The following TLK1 variants were observed in gnomAD, a reference collection of about 807,000 sequenced individuals.
TLK1 encodes tousled like kinase 1.
A neutral mutation model predicts 105.3 loss-of-function variants in TLK1; 24 were observed. The observed-to-expected ratio is 0.23, with a 90% CI of 0.17 to 0.32. The LOEUF is 0.32. Among genes scored for constraint, TLK1 ranks in the 10% least tolerant of loss-of-function variants. The pLI, the probability that TLK1 is intolerant of heterozygous loss-of-function variation, is 1.00. For missense variants in TLK1, 558 were observed against 910.5 expected, an observed-to-expected ratio of 0.61 and a Z score of 4.98; for synonymous variants, 321 against 310.4, an observed-to-expected ratio of 1.03 and a Z score of -0.36.
At chr2:171,211,612 C>T (rs903820751) in intron 1 of TLK1, among the ~76,000 whole-genome samples, 2 of 151,886 alleles carry the variant, frequency 1.3e-5, no homozygotes, top group African/African-American at 4.8e-5. Flanking sequence ...TGCAATGGCG[C>T]GATGTTGGTT....
chr2:171,214,187 A>C (rs1693672165), intron 1 of TLK1, among the ~76,000 whole-genome samples: 1 of 152,072 alleles, frequency 6.6e-6, no homozygotes, highest in South Asian at 2.1e-4. Context: ...CCTGGGCAAC[A>C]GAGTGAGATC....
intron 2 of TLK1, among the ~76,000 whole-genome samples, chr2:171,087,635 A>G (rs1405210431): frequency 6.6e-6 from 1 of 152,236 alleles, no homozygotes; most frequent in Admixed American, 6.5e-5. Context: ...CCCAAGCAGG[A>G]TAACTACAAA....
intron 1 of TLK1, among the ~76,000 whole-genome samples, chr2:171,229,695 T>A (rs964329033): frequency 2.0e-5 from 3 of 152,178 alleles, no homozygotes; most frequent in African/African-American, 7.2e-5. Flanking sequence ...GTAGGAGCAT[T>A]CAAGAGAGCC....
At chr2:171,002,313 C>A (rs934906785) in intron 18 of TLK1, among the ~76,000 whole-genome samples, 3 of 152,056 alleles carry the variant, frequency 2.0e-5, no homozygotes, top group Non-Finnish European at 4.4e-5. Flanking sequence ...GGCTGGAGTG[C>A]CATGGCACAA....
At chr2:171,021,278 T>G (rs1685489036) in intron 12 of TLK1, among the ~76,000 whole-genome samples, 1 of 152,086 alleles carries the variant, frequency 6.6e-6, no homozygotes, top group African/African-American at 2.4e-5. Context: ...ACACTTGTCT[T>G]AAAAATATTT....
At chr2:171,024,914 A>C (rs140881320) in intron 12 of TLK1, among the ~76,000 whole-genome samples, 8 of 152,314 alleles carry the variant, frequency 5.3e-5, no homozygotes, top group Admixed American at 3.3e-4. Context: ...CTTGGGAACA[A>C]CTATAACAAT....
At chr2:171,120,162 T>C (rs1690593638) in intron 1 of TLK1, among the ~76,000 whole-genome samples, 1 of 139,666 alleles carries the variant, frequency 7.2e-6, no homozygotes, top group South Asian at 2.2e-4. Context: ...GGCAAGAGAA[T>C]CACCTGAACC....
At chr2:171,072,733 A>ACT (rs1321790049) in intron 3 of TLK1, among the ~76,000 whole-genome samples, 2 of 152,002 alleles carry the variant, frequency 1.3e-5, no homozygotes, top group Non-Finnish European at 2.9e-5. Context: ...ACATCATTAC[A>ACT]CTCCAGCCTG....
intron 14 of TLK1, 49 bp from the exon 15 acceptor site, chr2:171,007,112 C>G: frequency 6.8e-7 from 1 of 1,468,424 alleles, no homozygotes; most frequent in Non-Finnish European, 9.3e-7. Flanking sequence ...AATTGAATAG[C>G]TGAAGAGATG....
At chr2:171,073,433 T>TCC in intron 3 of TLK1, among the ~76,000 whole-genome samples, 1 of 152,120 alleles carries the variant, frequency 6.6e-6, no homozygotes, top group Non-Finnish European at 1.5e-5. Context: ...AGAACTCAAC[T>TCC]AGACAGAATA....
In TLK1 at chr2:171,014,835, G is replaced by A; in HGVS notation, c.1334+16C>T. On this transcript the variant is annotated intron_variant, in intron 13 of 20. Coordinates refer to ENST00000431350, the MANE Select transcript of TLK1 (RefSeq NM_012290.5). ...TTTTAATAATATGAAACTGTGAAAT[G>A]CAAATAATGACTTACTGTGAATTAT... The A allele has an allele frequency of 6.4e-7, 1 of 1,572,242 alleles. No homozygotes were observed. The highest frequency in any genetic ancestry group is 8.7e-7 in the Non-Finnish European group (1 of 1,143,240).
At chr2:171,145,632 A>G (rs553961178) in intron 1 of TLK1, among the ~76,000 whole-genome samples, 18 of 152,106 alleles carry the variant, frequency 1.2e-4, no homozygotes, top group Non-Finnish European at 2.2e-4. Flanking sequence ...ATGAAGAGAC[A>G]GGTATAAACA....
chr2:170,991,828 C>G lies in TLK1; in HGVS notation c.*1952G>C, dbSNP rs1683796944. ...TCATTCATAAAGACGAAAACTCTAA[C>G]AACAAAACTGAAAACTTGCAGGCAG... On this transcript the variant is annotated 3_prime_UTR_variant, in exon 21 of 21. Coordinates refer to ENST00000431350, the MANE Select transcript of TLK1 (RefSeq NM_012290.5). 6.6e-6 allele frequency: 1 copy of G among 152,076 alleles called. No individual in the cohort carries two copies. Among genetic ancestry groups the G allele is most frequent in the Admixed American group, 6.5e-5 (1 of 15,268 alleles). 9.4% of individuals were successfully genotyped at this position (152,076 alleles called of 1,614,324 possible).
chr2:171,153,120 T>C (rs558357475), intron 1 of TLK1, among the ~76,000 whole-genome samples: 342 of 152,280 alleles, frequency 2.2e-3, no homozygotes, highest in Non-Finnish European at 3.2e-3. Context: ...ACTACTAAAA[T>C]ACTAAAAACC....
intron 8 of TLK1, among the ~76,000 whole-genome samples, chr2:171,052,572 C>T (rs1687292451): frequency 6.6e-6 from 1 of 152,144 alleles, no homozygotes; most frequent in South Asian, 2.1e-4. Context: ...GGATGACTCT[C>T]TGATATATTT....
chr2:171,153,552 T>C (rs1422118294), intron 1 of TLK1, among the ~76,000 whole-genome samples: 2 of 152,152 alleles, frequency 1.3e-5, no homozygotes, highest in Non-Finnish European at 2.9e-5. Flanking sequence ...ATGAACAAAA[T>C]ATAGTCTCTG....
At chr2:171,055,036 A>G in intron 7 of TLK1, 47 bp downstream of exon 7, 1 of 1,147,500 alleles carries the variant, frequency 8.7e-7, no homozygotes, top group South Asian at 1.9e-5. Flanking sequence ...AAGTTAGTCA[A>G]TGGTTTCTTA....
intron 12 of TLK1, among the ~76,000 whole-genome samples, chr2:171,024,694 C>G (rs1208900595): frequency 2.6e-5 from 4 of 152,176 alleles, no homozygotes; most frequent in Admixed American, 2.6e-4. Context: ...TTGGCTTTGT[C>G]ACTTACTGGT....
At chr2:171,008,331 A>C (rs1166149653) in intron 14 of TLK1, among the ~76,000 whole-genome samples, 2 of 152,166 alleles carry the variant, frequency 1.3e-5, no homozygotes, top group Non-Finnish European at 2.9e-5. Flanking sequence ...TACGGCCAAG[A>C]AACATTAGCT....
Sources: allele counts gnomAD v4.1 joint callset (sites outside exome capture counted in the v4.1 genomes callset), GRCh38; gene constraint gnomAD v4.1.1; transcripts MANE v1.5; gene names NCBI Gene and HGNC (gene_info 2026-07-23, HGNC 2026-07-21).